Variants in VAV3 observed in about 807,000 individuals in gnomAD.
VAV3 encodes the protein vav guanine nucleotide exchange factor 3.
In VAV3, 94 loss-of-function variants were observed where a neutral mutation model predicts 131.2. That is an observed-to-expected ratio of 0.72 (90% CI 0.61 to 0.85). VAV3 has a LOEUF of 0.85. Among genes scored for constraint, VAV3 ranks in the 40% least tolerant of loss-of-function variants. VAV3 has a pLI of 0.00. For missense variants in VAV3, 939 were observed against 1,002.7 expected, an observed-to-expected ratio of 0.94 and a Z score of 0.86; for synonymous variants, 349 against 342.0, an observed-to-expected ratio of 1.02 and a Z score of -0.22.
chr1:107,881,516 G>A (rs1222577295), intron 1 of VAV3, among the ~76,000 whole-genome samples: 1 of 152,170 alleles, frequency 6.6e-6, no homozygotes, highest in Non-Finnish European at 1.5e-5. Flanking sequence ...ATGCTGCCTA[G>A]CCTCTCTCTC....
At chr1:107,941,420 G>A (rs971821103) in intron 1 of VAV3, among the ~76,000 whole-genome samples, 1 of 152,148 alleles carries the variant, frequency 6.6e-6, no homozygotes, top group Admixed American at 6.5e-5. Flanking sequence ...TCCTGAGGAA[G>A]GTCATCTCTT....
intron 2 of VAV3, among the ~76,000 whole-genome samples, chr1:107,796,368 A>T (rs1053341194): frequency 2.6e-5 from 4 of 152,142 alleles, no homozygotes; most frequent in African/African-American, 9.7e-5. Flanking sequence ...ACAGCGAACC[A>T]GTCTCATTGG....
chr1:107,783,133 T>A (rs1196828615), intron 2 of VAV3, among the ~76,000 whole-genome samples: 1 of 152,176 alleles, frequency 6.6e-6, no homozygotes, highest in African/African-American at 2.4e-5. Flanking sequence ...TAAGAGCTAC[T>A]TTGTGAGGCA....
intron 5 of VAV3, among the ~76,000 whole-genome samples, chr1:107,771,613 C>A (rs1420942938): frequency 6.6e-6 from 1 of 152,190 alleles, no homozygotes; most frequent in African/African-American, 2.4e-5. Flanking sequence ...GTTTTCTTAT[C>A]TGTCAAACAG....
intron 1 of VAV3, among the ~76,000 whole-genome samples, chr1:107,942,796 G>T (rs982364802): frequency 1.3e-5 from 2 of 152,070 alleles, no homozygotes; most frequent in African/African-American, 4.8e-5. Flanking sequence ...TTACTGACTT[G>T]CTTGTCTATC....
intron 1 of VAV3, among the ~76,000 whole-genome samples, chr1:107,942,362 CA>C (rs1674039037): frequency 6.6e-6 from 1 of 152,170 alleles, no homozygotes; most frequent in Non-Finnish European, 1.5e-5. Flanking sequence ...ACTCAGTGTA[CA>C]AAATGCAAGA....
Position 107,681,654 on chromosome 1 carries a change from CTTT to C in VAV3, c.1777+1831_1777+1833del, listed in dbSNP as rs66909735. 3.6e-3 allele frequency among the ~76,000 whole-genome samples: 454 copies of C among 127,396 alleles called. 1 individual carries two copies. The highest frequency in any genetic ancestry group is 8.4e-3 in the South Asian group (34 of 4,070). The allele number at this position is 127,396 out of a possible 152,430, so 83.6% of individuals were successfully genotyped here. On this transcript the variant is annotated intron_variant, in intron 19 of 26. Coordinates refer to ENST00000370056, the MANE Select transcript of VAV3 (RefSeq NM_006113.5). Reference sequence around the variant, plus strand: ...TACATTTATTATACGTAATGGAAAACTTTTTTTTTTTTTTTTTTGAGACAGAGT... The same window carrying C: ...TACATTTATTATACGTAATGGAAAACTTTTTTTTTTTTTTTGAGACAGAGT...
At chr1:107,691,790 G>C (rs1659440829) in intron 17 of VAV3, among the ~76,000 whole-genome samples, 1 of 152,148 alleles carries the variant, frequency 6.6e-6, no homozygotes, top group South Asian at 2.1e-4. Context: ...ATTCTGAGAA[G>C]TGGTGTTGCT....
At chr1:107,944,467 A>G (rs1674151813) in intron 1 of VAV3, among the ~76,000 whole-genome samples, 1 of 152,182 alleles carries the variant, frequency 6.6e-6, no homozygotes, top group Non-Finnish European at 1.5e-5. Flanking sequence ...TATCCTCCAA[A>G]ATATACCTCT....
chr1:107,782,345 C>T (rs907154430), intron 2 of VAV3, among the ~76,000 whole-genome samples: 2 of 152,180 alleles, frequency 1.3e-5, no homozygotes, highest in African/African-American at 4.8e-5. Flanking sequence ...CCCCTACACA[C>T]CGCCTCTTTC....
intron 2 of VAV3, among the ~76,000 whole-genome samples, chr1:107,852,252 A>G (rs1273212348): frequency 7.2e-5 from 11 of 152,192 alleles, no homozygotes; most frequent in African/African-American, 2.7e-4. Context: ...CTCTCTATGC[A>G]TAATTCTCAA....
chr1:107,835,078 G>C (rs1668411721), intron 2 of VAV3, among the ~76,000 whole-genome samples: 2 of 152,150 alleles, frequency 1.3e-5, no homozygotes, highest in Non-Finnish European at 2.9e-5. Context: ...CCAAGTAGCT[G>C]TAACCCCTGC....
intron 2 of VAV3, chr1:107,785,477 G>A (rs1665930435): frequency 7.5e-7 from 1 of 1,325,544 alleles, no homozygotes; most frequent in Non-Finnish European, 9.9e-7. Context: ...GGCTCTGCAA[G>A]GGCAATCAGG....
intron 1 of VAV3, among the ~76,000 whole-genome samples, chr1:107,881,883 T>C (rs181006742): frequency 6.6e-6 from 1 of 152,276 alleles, no homozygotes; most frequent in East Asian, 1.9e-4. Context: ...AAAGGAAACA[T>C]TTGAAGGTCA....
chr1:107,687,245 G>T (rs1659095133), intron 18 of VAV3, among the ~76,000 whole-genome samples: 1 of 151,948 alleles, frequency 6.6e-6, no homozygotes, highest in African/African-American at 2.4e-5. Flanking sequence ...GCACTGATTA[G>T]GTGCATATGA....
Position 107,768,479 on chromosome 1 carries a change from T to C in VAV3, c.679A>G (p.Thr227Ala). Residue 227 changes from threonine (T) to alanine (A), a missense_variant, in exon 7 of 27, where the codon ACA (threonine) becomes GCA (alanine). Coordinates refer to ENST00000370056, the MANE Select transcript of VAV3 (RefSeq NM_006113.5). ...AATACTGAATCAAATTCTGCTGCTG[T>C]CAGAAATCTTTTTAGTGGTGCCATG... is the stretch of plus-strand genomic sequence containing the variant. Reference protein sequence around the residue: ...YFMAPLKRFLTAAEFDSVFIN... With the variant: ...YFMAPLKRFLAAAEFDSVFIN... 4 of 1,612,718 alleles carry C rather than the reference T, an allele frequency of 2.5e-6. No homozygotes were observed. The highest frequency in any genetic ancestry group is 1.3e-5 in the African/African-American group (1 of 75,016).
chr1:107,923,808 G>T (rs772459485), intron 1 of VAV3, among the ~76,000 whole-genome samples: 1 of 152,198 alleles, frequency 6.6e-6, no homozygotes, highest in Admixed American at 6.5e-5. Context: ...ATGAGATTTC[G>T]GTGGGGACAC....
intron 1 of VAV3, among the ~76,000 whole-genome samples, chr1:107,907,788 G>A (rs1672176923): frequency 6.6e-6 from 1 of 152,008 alleles, no homozygotes; most frequent in Admixed American, 6.6e-5. Context: ...GCAGCCCTTT[G>A]ATCTTGGGCT....
intron 1 of VAV3, among the ~76,000 whole-genome samples, chr1:107,909,340 T>TA (rs1397478871): frequency 6.8e-6 from 1 of 147,014 alleles, no homozygotes; most frequent in African/African-American, 2.5e-5. Flanking sequence ...GTCATATAAG[T>TA]AAAAAAATGT....
Sources: gnomAD v4.1 joint callset for allele counts (sites outside exome capture counted in the v4.1 genomes callset) on GRCh38, gnomAD v4.1.1 for gene constraint, MANE v1.5 for transcripts, NCBI Gene and HGNC (gene_info 2026-07-23, HGNC 2026-07-21) for gene names.